Variants in USP13 observed in about 807,000 individuals in gnomAD.
The protein encoded by USP13 is ubiquitin carboxyl-terminal hydrolase 13.
A neutral mutation model predicts 107.8 loss-of-function variants in USP13; 68 were observed. The observed-to-expected ratio is 0.63, with a 90% CI of 0.52 to 0.77. USP13 has a LOEUF of 0.77. USP13 is among the 30% of genes least tolerant of loss of function. The probability of loss-of-function intolerance (pLI) is 0.00; values close to 1 mark genes in which losing one functional copy is unlikely to be tolerated. For missense variants in USP13, 945 were observed against 1,093.3 expected, an observed-to-expected ratio of 0.86 and a Z score of 1.91; for synonymous variants, 377 against 389.5, an observed-to-expected ratio of 0.97 and a Z score of 0.38.
intron 12 of USP13, among the ~76,000 whole-genome samples, chr3:179,743,887 A>G (rs1714296148): frequency 6.7e-6 from 1 of 150,116 alleles, no homozygotes; most frequent in South Asian, 2.1e-4. Flanking sequence ...AGGAAAACAC[A>G]TATGTGCGTA....
chr3:179,697,014 T>C (rs1256350261), intron 3 of USP13, among the ~76,000 whole-genome samples: 2 of 152,230 alleles, frequency 1.3e-5, no homozygotes, highest in African/African-American at 4.8e-5. Flanking sequence ...ATTTACATCT[T>C]TATGGAGTCT....
intron 3 of USP13, among the ~76,000 whole-genome samples, chr3:179,693,992 GAC>G (rs1415076629): frequency 6.6e-6 from 1 of 150,458 alleles, no homozygotes; most frequent in Admixed American, 6.7e-5. Context: ...TTATTTTTGA[GAC>G]AGCATCTCAC....
intron 1 of USP13, among the ~76,000 whole-genome samples, chr3:179,670,289 C>A (rs1720712204): frequency 6.6e-6 from 1 of 152,274 alleles, no homozygotes; most frequent in African/African-American, 2.4e-5. Context: ...TGTTGCCTGT[C>A]TCTCTTTACT....
At chr3:179,780,956 C>T (rs889412005) in intron 19 of USP13, among the ~76,000 whole-genome samples, 2 of 152,170 alleles carry the variant, frequency 1.3e-5, no homozygotes, top group African/African-American at 4.8e-5. Context: ...TCTCAGTTTC[C>T]ATACTACCTC....
At chr3:179,705,577 TTATC>T (rs1212876514) in intron 4 of USP13, among the ~76,000 whole-genome samples, 2 of 152,354 alleles carry the variant, frequency 1.3e-5, no homozygotes, top group South Asian at 2.1e-4. Flanking sequence ...TTTTCAAAGT[TTATC>T]TATGTTGTAG....
chr3:179,662,954 C>A (rs192405868), intron 1 of USP13, among the ~76,000 whole-genome samples: 8 of 152,148 alleles, frequency 5.3e-5, no homozygotes, highest in African/African-American at 1.7e-4. Flanking sequence ...CTCCCTCTCT[C>A]TCTTTTTATT....
At chr3:179,681,447 T>TAC (rs1711649415) in intron 1 of USP13, among the ~76,000 whole-genome samples, 1 of 152,128 alleles carries the variant, frequency 6.6e-6, no homozygotes, top group Non-Finnish European at 1.5e-5. Context: ...AGTAATTGGT[T>TAC]ACAAATGTAG....
intron 19 of USP13, among the ~76,000 whole-genome samples, chr3:179,774,259 T>G (rs1715434250): frequency 6.6e-6 from 1 of 152,192 alleles, no homozygotes; most frequent in Admixed American, 6.5e-5. Context: ...TCATGAGGGA[T>G]CCACCTCCAT....
intron 1 of USP13, among the ~76,000 whole-genome samples, chr3:179,661,080 G>A (rs915510288): frequency 6.6e-6 from 1 of 152,160 alleles, no homozygotes; most frequent in African/African-American, 2.4e-5. Context: ...TGCATGTCAC[G>A]TAGCCTTGGG....
chr3:179,727,613 A>C (rs1349380734), intron 8 of USP13, among the ~76,000 whole-genome samples: 1 of 99,014 alleles, frequency 1.0e-5, no homozygotes. Flanking sequence ...TCTTTTCCCC[A>C]CCCTTCCCCC....
In USP13 at chr3:179,739,748, A is replaced by G. The variant is rs902517939; in HGVS notation, c.1255-499A>G. Among the ~76,000 whole-genome samples, 8 of 152,228 alleles carry G rather than the reference A, an allele frequency of 5.3e-5. No individual in the cohort carries two copies. The South Asian group carries it at 6.2e-4, about 12-fold the overall frequency. ...AATTTTTTGTATTTTTAATAGAGAC[A>G]GGGTTTCGCCATGTTGGCCGGGCTG... On this transcript the variant is annotated intron_variant, in intron 10 of 20. Transcript: ENST00000263966.
intron 13 of USP13, among the ~76,000 whole-genome samples, chr3:179,748,067 A>G (rs1316809131): frequency 6.6e-6 from 1 of 152,226 alleles, no homozygotes; most frequent in East Asian, 1.9e-4. Context: ...CACATTTGTT[A>G]TTGCCAGGTC....
chr3:179,760,193 A>G (rs917311791), intron 16 of USP13, among the ~76,000 whole-genome samples: 4 of 151,818 alleles, frequency 2.6e-5, no homozygotes, highest in Non-Finnish European at 5.9e-5. Flanking sequence ...TTACACATAC[A>G]TCTCTATCAG....
intron 16 of USP13, among the ~76,000 whole-genome samples, chr3:179,758,943 T>C (rs562237463): frequency 6.6e-6 from 1 of 152,260 alleles, no homozygotes; most frequent in South Asian, 2.1e-4. Flanking sequence ...CCTTCTATTA[T>C]TGTGCCTGGC....
In USP13 at chr3:179,696,623, C is replaced by T. The variant is rs113382349; in HGVS notation, c.356-4385C>T. Among the ~76,000 whole-genome samples, 117 of 152,210 alleles carry T rather than the reference C, an allele frequency of 7.7e-4. 1 individual carries two copies. The highest frequency in any genetic ancestry group is 2.4e-3 in the African/African-American group (101 of 41,534). ...CTGGGATTACAGGCGTGAGCCACTG[C>T]GCCTGGCCAGGCATTTCTTTTGGCT... is the stretch of plus-strand genomic sequence containing the variant. On this transcript the variant is annotated intron_variant, in intron 3 of 20. Transcript: ENST00000263966.
Position 179,764,023 on chromosome 3 carries a change from T to A in USP13, c.2114T>A (p.Met705Lys). Residue 705 changes from methionine (M) to lysine (K), a missense_variant, in exon 18 of 21, where the codon ATG (methionine) becomes AAG (lysine). Coordinates refer to ENST00000263966, the MANE Select transcript of USP13 (RefSeq NM_003940.3). ...TCAGATTTTGCTGAGCCGCTGACCA[T>A]GCCTGGTTATGGAGGGGCAGCTTCT... ...EEPDFAEPLT[M>K]PGYGGAASAG... 1 of 1,612,956 alleles carries A rather than the reference T, an allele frequency of 6.2e-7. No individual in the cohort carries two copies. Among genetic ancestry groups the A allele is most frequent in the Non-Finnish European group, 8.5e-7 (1 of 1,179,556 alleles).
chr3:179,671,882 G>T (rs1370703064), intron 1 of USP13, among the ~76,000 whole-genome samples: 1 of 152,084 alleles, frequency 6.6e-6, no homozygotes, highest in Non-Finnish European at 1.5e-5. Flanking sequence ...GATTTGTTGT[G>T]ACTCCATCTA....
At chr3:179,661,520 G>A (rs1039364301) in intron 1 of USP13, among the ~76,000 whole-genome samples, 1 of 151,588 alleles carries the variant, frequency 6.6e-6, no homozygotes, top group African/African-American at 2.4e-5. Flanking sequence ...TGGCTGGGCT[G>A]TTTCTTTGGG....
rs1438512145 is a variant in USP13, at chr3:179,788,618, CAATTT to C, written c.*4481_*4485del. ...TTGGATGTACTAAGTAAAATATTAA[CAATTT>C]AATATATTTATATAATTGAAATTAA... is the stretch of plus-strand genomic sequence containing the variant. On this transcript the variant is annotated 3_prime_UTR_variant, in exon 21 of 21. Coordinates refer to ENST00000263966, the MANE Select transcript of USP13 (RefSeq NM_003940.3). 21 of 152,220 alleles carry C rather than the reference CAATTT, an allele frequency of 1.4e-4. No individual in the cohort carries two copies. Among genetic ancestry groups the C allele is most frequent in the Admixed American group, 9.8e-4 (15 of 15,300 alleles). 9.4% of individuals were successfully genotyped at this position (152,220 alleles called of 1,614,324 possible). A position where few individuals can be genotyped will look rare whatever the true frequency, so the allele number is the denominator to read the frequency against.
Sources: allele counts gnomAD v4.1 joint callset (sites outside exome capture counted in the v4.1 genomes callset), GRCh38; gene constraint gnomAD v4.1.1; transcripts MANE v1.5; gene names NCBI Gene and HGNC (gene_info 2026-07-23, HGNC 2026-07-21).